GNG12: variants seen among roughly 807,000 people sequenced by gnomAD.
GNG12 encodes the protein G protein subunit gamma 12, also known as guanine nucleotide-binding protein G(I)/G(S)/G(O) subunit gamma-12.
For missense variants in GNG12, 69 were observed against 83.8 expected (o/e 0.82, Z 0.69); for synonymous variants, 28 against 29.7 (o/e 0.94, Z 0.19).
intron 2 of GNG12, among the ~76,000 whole-genome samples, chr1:67,708,294 C>T (rs900639538): frequency 1.3e-5 from 2 of 152,162 alleles, no homozygotes; most frequent in African/African-American, 2.4e-5. Flanking sequence ...ATAAGGAAGT[C>T]TTTATTCATG....
At chr1:67,797,721 G>A (rs1315415287) in intron 1 of GNG12, among the ~76,000 whole-genome samples, 1 of 152,072 alleles carries the variant, frequency 6.6e-6, no homozygotes, top group Non-Finnish European at 1.5e-5. Flanking sequence ...AAATAGGATG[G>A]GAAATGGAAA....
At chr1:67,768,245 G>A (rs1166101574) in intron 2 of GNG12, among the ~76,000 whole-genome samples, 5 of 152,142 alleles carry the variant, frequency 3.3e-5, no homozygotes, top group African/African-American at 1.2e-4. Flanking sequence ...CAGAAATTGA[G>A]GCTTTAAGAG....
chr1:67,735,437 C>A (rs994902370), intron 2 of GNG12, among the ~76,000 whole-genome samples: 3 of 152,222 alleles, frequency 2.0e-5, no homozygotes, highest in Non-Finnish European at 4.4e-5. Context: ...TTATTAGGAA[C>A]AGGGCTTAAG....
intron 2 of GNG12, among the ~76,000 whole-genome samples, chr1:67,743,449 G>T (rs1311318819): frequency 6.6e-6 from 1 of 152,198 alleles, no homozygotes; most frequent in Admixed American, 6.5e-5. Context: ...AAATGACAGA[G>T]AATTTTTATC....
chr1:67,769,635 C>T (rs539814613), intron 2 of GNG12, among the ~76,000 whole-genome samples: 20 of 152,258 alleles, frequency 1.3e-4, no homozygotes, highest in African/African-American at 4.1e-4. Flanking sequence ...TACAGGTGCA[C>T]GTTGGTATGC....
intron 2 of GNG12, among the ~76,000 whole-genome samples, chr1:67,736,876 T>C (rs1646455489): frequency 6.6e-6 from 1 of 152,226 alleles, no homozygotes; most frequent in African/African-American, 2.4e-5. Context: ...ACCTCATTTG[T>C]GCAAGCACCA....
intron 2 of GNG12, among the ~76,000 whole-genome samples, chr1:67,767,465 T>C (rs921488787): frequency 3.9e-5 from 6 of 152,154 alleles, no homozygotes; most frequent in African/African-American, 1.4e-4. Context: ...CCTGACCAAG[T>C]CTCAGTAACC....
intron 2 of GNG12, among the ~76,000 whole-genome samples, chr1:67,726,904 C>A (rs988617471): frequency 6.6e-6 from 1 of 152,128 alleles, no homozygotes; most frequent in Non-Finnish European, 1.5e-5. Context: ...CTACCCACTA[C>A]CTTTGGTTTC....
chr1:67,749,123 ATTAC>A (rs2100723180), intron 2 of GNG12, among the ~76,000 whole-genome samples: 1 of 152,354 alleles, frequency 6.6e-6, no homozygotes, highest in Admixed American at 6.5e-5. Context: ...GTCTACAGAC[ATTAC>A]TTATAGTAAC....
intron 2 of GNG12, among the ~76,000 whole-genome samples, chr1:67,735,107 T>C (rs1646444804): frequency 6.6e-6 from 1 of 152,228 alleles, no homozygotes; most frequent in African/African-American, 2.4e-5. Flanking sequence ...CCACCCTCCT[T>C]GGCCTTCCAA....
chr1:67,754,322 G>A (rs990794728), intron 2 of GNG12, among the ~76,000 whole-genome samples: 6 of 151,972 alleles, frequency 3.9e-5, no homozygotes, highest in African/African-American at 1.5e-4. Context: ...ACAAACCTCC[G>A]CCTATTGTTG....
At chr1:67,829,117 G>A (rs918136300) in intron 1 of GNG12, among the ~76,000 whole-genome samples, 1 of 152,252 alleles carries the variant, frequency 6.6e-6, no homozygotes, top group African/African-American at 2.4e-5. Flanking sequence ...AAGCAGGTTG[G>A]GGGTGGGAGA....
At chr1:67,805,313 A>G (rs1018122547) in intron 1 of GNG12, among the ~76,000 whole-genome samples, 20 of 152,234 alleles carry the variant, frequency 1.3e-4, no homozygotes, top group Non-Finnish European at 2.1e-4. Context: ...GCATACTAAA[A>G]GACAAAAAAC....
At chr1:67,758,893 AG>A (rs553343029) in intron 2 of GNG12, among the ~76,000 whole-genome samples, 2 of 152,078 alleles carry the variant, frequency 1.3e-5, no homozygotes, top group Admixed American at 6.5e-5. Flanking sequence ...TGGGAAGGGA[AG>A]GGGGGGATGA....
intron 1 of GNG12, among the ~76,000 whole-genome samples, chr1:67,790,052 C>G (rs1248404885): frequency 6.6e-6 from 1 of 152,152 alleles, no homozygotes; most frequent in Non-Finnish European, 1.5e-5. Context: ...CTCATCTTTT[C>G]CTGTATCATC....
At chr1:67,753,170 G>C (rs1417506245) in intron 2 of GNG12, among the ~76,000 whole-genome samples, 6 of 152,130 alleles carry the variant, frequency 3.9e-5, no homozygotes, top group African/African-American at 1.4e-4. Context: ...TATGTTGAAA[G>C]AATTTTTTTT....
At position 67,766,362 on chromosome 1, in the gene GNG12, A is replaced by AGATATT. The variant is rs1183818008; in HGVS notation, c.-27+11090_-27+11095dup. ...CCCTGATTTTCGCACAGTGCTAGAA[A>AGATATT]GATATTCACATACAAAGGGGTCTTT... On this transcript the variant is annotated intron_variant, in intron 2 of 3. Coordinates refer to ENST00000370982, the MANE Select transcript of GNG12 (RefSeq NM_018841.6). Among the ~76,000 whole-genome samples the AGATATT allele has an allele frequency of 2.7e-5, 4 of 149,368 alleles. No individual in the cohort carries two copies. The East Asian group carries it at 7.9e-4, about 29-fold the overall frequency.
At chr1:67,720,822 C>G (rs1646352523) in intron 2 of GNG12, among the ~76,000 whole-genome samples, 1 of 152,224 alleles carries the variant, frequency 6.6e-6, no homozygotes, top group African/African-American at 2.4e-5. Flanking sequence ...TTTCCTGTTT[C>G]CTTCTGACAT....
chr1:67,735,520 A>T (rs977726445), intron 2 of GNG12, among the ~76,000 whole-genome samples: 1 of 152,226 alleles, frequency 6.6e-6, no homozygotes, highest in African/African-American at 2.4e-5. Context: ...ATCTGCAAAA[A>T]TGGGAGTGGC....
Sources: allele counts gnomAD v4.1 joint callset (sites outside exome capture counted in the v4.1 genomes callset), GRCh38; gene constraint gnomAD v4.1.1; transcripts MANE v1.5; gene names NCBI Gene and HGNC (gene_info 2026-07-23, HGNC 2026-07-21).